Variants in KCNK2 observed in about 807,000 individuals in gnomAD.
The protein encoded by KCNK2 is potassium channel subfamily K member 2.
A neutral mutation model predicts 40.5 loss-of-function variants in KCNK2; 21 were observed. The ratio of observed to expected loss-of-function variants is 0.52; its 90% confidence interval spans 0.37 to 0.75. KCNK2 has a LOEUF of 0.75. KCNK2 is among the 30% of genes least tolerant of loss of function. The probability of loss-of-function intolerance (pLI) is 0.00; values close to 1 mark genes in which losing one functional copy is unlikely to be tolerated. For synonymous variants in KCNK2, 191 were observed against 202.2 expected, an observed-to-expected ratio of 0.94 and a Z score of 0.47; for missense variants, 399 against 531.6, an observed-to-expected ratio of 0.75 and a Z score of 2.45.
intron 6 of KCNK2, among the ~76,000 whole-genome samples, chr1:215,222,498 A>C (rs1666221814): frequency 6.6e-6 from 1 of 152,168 alleles, no homozygotes; most frequent in Non-Finnish European, 1.5e-5. Context: ...TAATGCTATA[A>C]ATTTTAGTGT....
At chr1:215,169,465 C>A (rs1381471858) in intron 4 of KCNK2, 106 bp downstream of exon 4, 1 of 837,186 alleles carries the variant, frequency 1.2e-6, no homozygotes, top group Non-Finnish European at 1.8e-6. Flanking sequence ...ATTATTAGGG[C>A]TTCCATAACA....
intron 2 of KCNK2, among the ~76,000 whole-genome samples, chr1:215,109,675 A>G (rs952751584): frequency 2.2e-4 from 33 of 152,098 alleles, no homozygotes; most frequent in African/African-American, 7.2e-4. Flanking sequence ...TTGTGCTGCA[A>G]TAAACATGAG....
chr1:215,050,945 T>C (rs577875288), intron 1 of KCNK2, among the ~76,000 whole-genome samples: 1 of 152,306 alleles, frequency 6.6e-6, no homozygotes, highest in Non-Finnish European at 1.5e-5. Flanking sequence ...AGGGGCTTAT[T>C]ATTGGATTTG....
intron 6 of KCNK2, among the ~76,000 whole-genome samples, chr1:215,202,039 T>C (rs1179873455): frequency 6.6e-6 from 1 of 152,196 alleles, no homozygotes; most frequent in East Asian, 1.9e-4. Context: ...GTTCTCTTAC[T>C]GAGATATTCA....
At chr1:215,008,415 T>C (rs1216039948) in intron 1 of KCNK2, among the ~76,000 whole-genome samples, 2 of 152,064 alleles carry the variant, frequency 1.3e-5, no homozygotes, top group African/African-American at 4.8e-5. Context: ...ATGTAGATGA[T>C]GAGGCTCAGC....
intron 1 of KCNK2, among the ~76,000 whole-genome samples, chr1:215,062,727 A>T (rs1469701605): frequency 1.3e-5 from 2 of 151,810 alleles, no homozygotes; most frequent in African/African-American, 4.8e-5. Flanking sequence ...AGACCACAGA[A>T]GTTTTGTTTA....
chr1:215,105,224 A>C (rs1660384552), intron 2 of KCNK2, among the ~76,000 whole-genome samples: 3 of 152,104 alleles, frequency 2.0e-5, no homozygotes, highest in Non-Finnish European at 4.4e-5. Flanking sequence ...CTGAACAGCA[A>C]GTCTCCCTTT....
chr1:215,141,257 A>T (rs1197184283), intron 3 of KCNK2, among the ~76,000 whole-genome samples: 1 of 152,156 alleles, frequency 6.6e-6, no homozygotes, highest in Non-Finnish European at 1.5e-5. Context: ...TAATATAGTA[A>T]ATACATAAAC....
At chr1:215,179,699 T>C (rs1664145722) in intron 5 of KCNK2, among the ~76,000 whole-genome samples, 1 of 152,186 alleles carries the variant, frequency 6.6e-6, no homozygotes, top group Non-Finnish European at 1.5e-5. Flanking sequence ...TTGACTTCTA[T>C]TGTAATTCCA....
chr1:215,215,043 G>A (rs1040027604), intron 6 of KCNK2, among the ~76,000 whole-genome samples: 1 of 152,136 alleles, frequency 6.6e-6, no homozygotes, highest in African/African-American at 2.4e-5. Context: ...AAGAAGATAA[G>A]GAGGCTAGTG....
chr1:215,063,228 A>G (rs1658420854), intron 1 of KCNK2, among the ~76,000 whole-genome samples: 1 of 152,200 alleles, frequency 6.6e-6, no homozygotes, highest in African/African-American at 2.4e-5. Context: ...CATGCAATTG[A>G]AGAACATTCT....
chr1:215,224,557 T>A (rs1014028616), intron 6 of KCNK2, among the ~76,000 whole-genome samples: 7 of 148,218 alleles, frequency 4.7e-5, no homozygotes, highest in Non-Finnish European at 7.4e-5. Context: ...ATGAAAAAAA[T>A]TTTTTTTCAA....
chr1:215,029,216 T>A (rs750104450), intron 1 of KCNK2, among the ~76,000 whole-genome samples: 18 of 152,196 alleles, frequency 1.2e-4, no homozygotes, highest in Admixed American at 7.8e-4. Flanking sequence ...TCCACCAGCA[T>A]AGTAATCATA....
intron 3 of KCNK2, among the ~76,000 whole-genome samples, chr1:215,149,038 G>A (rs1011408769): frequency 3.9e-5 from 6 of 152,188 alleles, no homozygotes; most frequent in African/African-American, 1.2e-4. Context: ...TGTGCTGAAC[G>A]ATTTTGGAAC....
At chr1:215,093,987 T>A (rs1216710863) in intron 2 of KCNK2, among the ~76,000 whole-genome samples, 1 of 135,722 alleles carries the variant, frequency 7.4e-6, no homozygotes, top group Non-Finnish European at 1.5e-5. Flanking sequence ...TTGTATATGG[T>A]TGGTGCAAAT....
intron 3 of KCNK2, among the ~76,000 whole-genome samples, chr1:215,155,738 C>T (rs1257051025): frequency 6.6e-6 from 1 of 152,094 alleles, no homozygotes; most frequent in Non-Finnish European, 1.5e-5. Context: ...CCAGGTTGGT[C>T]TCCATCTCTT....
intron 3 of KCNK2, among the ~76,000 whole-genome samples, chr1:215,160,327 A>G (rs950346785): frequency 6.6e-6 from 1 of 152,238 alleles, no homozygotes; most frequent in Non-Finnish European, 1.5e-5. Flanking sequence ...ATGTGGAGAG[A>G]GTGCGAAAGC....
chr1:215,121,747 C>G (rs989080256), intron 2 of KCNK2, among the ~76,000 whole-genome samples: 1 of 152,096 alleles, frequency 6.6e-6, no homozygotes, highest in South Asian at 2.1e-4. Flanking sequence ...TTCTATTAAG[C>G]TAGATATTAA....
chr1:215,087,863 T>C (rs1050152459), intron 2 of KCNK2, among the ~76,000 whole-genome samples: 7 of 152,218 alleles, frequency 4.6e-5, no homozygotes, highest in African/African-American at 1.4e-4. Flanking sequence ...GTCCTCTCAA[T>C]TTACAGCATA....
Sources: allele counts gnomAD v4.1 joint callset (sites outside exome capture counted in the v4.1 genomes callset), GRCh38; gene constraint gnomAD v4.1.1; transcripts MANE v1.5; gene names NCBI Gene and HGNC (gene_info 2026-07-23, HGNC 2026-07-21).